Variants in HS1BP3 observed in about 807,000 individuals in gnomAD.
The protein encoded by HS1BP3 is HCLS1 binding protein 3, also known as HCLS1-binding protein 3.
Under a neutral mutation model 33.5 loss-of-function variants are expected in HS1BP3, and 32 were observed. The ratio of observed to expected loss-of-function variants is 0.95; its 90% CI spans 0.72 to 1.28. The LOEUF (loss-of-function observed/expected upper bound fraction) is 1.28, where lower values mean the gene tolerates loss of function less well. Among genes scored for constraint, HS1BP3 ranks in the 50% most tolerant of loss-of-function variants. The pLI is 0.00. For missense variants in HS1BP3, 486 were observed against 502.3 expected (o/e 0.97, Z 0.31); for synonymous variants, 187 against 209.2 (o/e 0.89, Z 0.92).
chr2:20,572,905 G>C (rs1693309551), intron 5 of HS1BP3, among the ~76,000 whole-genome samples: 1 of 152,168 alleles, frequency 6.6e-6, no homozygotes, highest in South Asian at 2.1e-4. Context: ...AGAGGGGCCT[G>C]GGCAGCCTTC....
intron 4 of HS1BP3, chr2:20,635,354 A>G (rs549930203): frequency 1.3e-5 from 2 of 152,350 alleles, no homozygotes; most frequent in South Asian, 4.1e-4. Flanking sequence ...GAGTGCAGCT[A>G]TTGATCTGGA....
At chr2:20,632,740 A>C (rs1695006737) in intron 4 of HS1BP3, among the ~76,000 whole-genome samples, 1 of 152,190 alleles carries the variant, frequency 6.6e-6, no homozygotes, top group Admixed American at 6.5e-5. Context: ...AATCCCACTA[A>C]GGATTCAGGT....
At position 20,645,319 on chromosome 2, in the gene HS1BP3, TG is replaced by T; in HGVS notation, c.198+20del. The T allele has an allele frequency of 1.9e-6, 3 of 1,608,956 alleles. No homozygotes were observed. Among genetic ancestry groups the T allele is most frequent in the Non-Finnish European group, 2.5e-6 (3 of 1,177,546 alleles). ...GACCCCGGGCACCCTCGAAACATCC[TG>T]GCCAGAGCCTCCGGCTCACCAAGAA... On this transcript the variant is annotated intron_variant, in intron 2 of 6. Transcript: ENST00000304031.
At chr2:20,567,028 A>G (rs898450737) in intron 5 of HS1BP3, among the ~76,000 whole-genome samples, 1 of 152,210 alleles carries the variant, frequency 6.6e-6, no homozygotes, top group Non-Finnish European at 1.5e-5. Flanking sequence ...TCCTGACACC[A>G]TGGAAGTCAC....
At chr2:20,566,754 A>G (rs1693139183) in intron 5 of HS1BP3, among the ~76,000 whole-genome samples, 1 of 151,768 alleles carries the variant, frequency 6.6e-6, no homozygotes, top group Admixed American at 6.6e-5. Flanking sequence ...TTACAGGCAC[A>G]CACCACCATG....
intron 4 of HS1BP3, among the ~76,000 whole-genome samples, chr2:20,626,749 G>A (rs1433300625): frequency 6.6e-6 from 1 of 152,166 alleles, no homozygotes; most frequent in Non-Finnish European, 1.5e-5. Flanking sequence ...CCTGCTTGTG[G>A]TGCTGGAGGT....
chr2:20,592,217 TG>T (rs1693832284), downstream of HS1BP3, among the ~76,000 whole-genome samples: 3 of 152,180 alleles, frequency 2.0e-5, no homozygotes, highest in Non-Finnish European at 2.9e-5. Flanking sequence ...CCCAGCTTTT[TG>T]GGAGGCTGAG....
chr2:20,610,855 A>G (rs1389698533), intron 2 of HS1BP3, among the ~76,000 whole-genome samples: 1 of 152,224 alleles, frequency 6.6e-6, no homozygotes, highest in African/African-American at 2.4e-5. Context: ...TTTTAAGTGC[A>G]CAGTTTGATG....
chr2:20,580,982 G>T (rs1693520130), intron 5 of HS1BP3, among the ~76,000 whole-genome samples: 1 of 152,252 alleles, frequency 6.6e-6, no homozygotes, highest in Admixed American at 6.5e-5. Flanking sequence ...CCAGGTTAGT[G>T]TCCCATGCAG....
chr2:20,622,805 G>A (rs1020064569), intron 6 of HS1BP3: 10 of 168,330 alleles, frequency 5.9e-5, no homozygotes, highest in South Asian at 1.5e-4. Context: ...CTTCCAGCCC[G>A]CTGGGATGTC....
intron 5 of HS1BP3, among the ~76,000 whole-genome samples, chr2:20,567,299 G>A (rs1266626450): frequency 6.6e-6 from 1 of 152,210 alleles, no homozygotes; most frequent in Admixed American, 6.5e-5. Flanking sequence ...GTAAGGTGCT[G>A]CTTCTAGAAC....
intron 2 of HS1BP3, among the ~76,000 whole-genome samples, chr2:20,600,909 A>G (rs1694057809): frequency 6.6e-6 from 1 of 152,176 alleles, no homozygotes; most frequent in Admixed American, 6.5e-5. Context: ...TGGAGTGGTC[A>G]TTCTTTCCCT....
intron 2 of HS1BP3, among the ~76,000 whole-genome samples, chr2:20,642,659 G>T (rs1695392991): frequency 6.6e-6 from 1 of 152,224 alleles, no homozygotes; most frequent in Non-Finnish European, 1.5e-5. Flanking sequence ...CAGGGCACTG[G>T]CATCGTGAGT....
At chr2:20,568,720 C>T (rs1266143051) in intron 5 of HS1BP3, among the ~76,000 whole-genome samples, 1 of 152,154 alleles carries the variant, frequency 6.6e-6, no homozygotes, top group Non-Finnish European at 1.5e-5. Context: ...ATTCCACACT[C>T]ACCGTGATAG....
chr2:20,557,167 C>A (rs1297993722), downstream of HS1BP3, among the ~76,000 whole-genome samples: 1 of 152,214 alleles, frequency 6.6e-6, no homozygotes, highest in Non-Finnish European at 1.5e-5. Context: ...GTTGTAAATT[C>A]TGATGCAAAT....
intron 2 of HS1BP3, among the ~76,000 whole-genome samples, chr2:20,642,137 G>C (rs1198150751): frequency 1.3e-5 from 2 of 152,232 alleles, no homozygotes; most frequent in Admixed American, 6.5e-5. Flanking sequence ...GACTGGGCCT[G>C]TCTCCCCCGA....
At position 20,581,096 on chromosome 2, in the gene HS1BP3, G is replaced by A. The variant is rs566363466; in HGVS notation, c.303-20581C>T. ...GGCCCCAGTGCAGGCTCTCACACCC[G>A]GCCCAGCTCCAGTCCTCAGTCTCAG... On this transcript the variant is annotated intron_variant, in intron 5 of 5. Transcript: ENST00000446825. Among the ~76,000 whole-genome samples the A allele has an allele frequency of 1.1e-3, 172 of 152,128 alleles. 1 individual carries two copies. The highest frequency in any genetic ancestry group is 1.2e-3 in the Non-Finnish European group (83 of 68,022).
intron 5 of HS1BP3, among the ~76,000 whole-genome samples, chr2:20,577,221 T>C (rs376710763): frequency 6.6e-6 from 1 of 152,026 alleles, no homozygotes; most frequent in African/African-American, 2.4e-5. Context: ...ATTGAGTTAA[T>C]ATTTCCGTAT....
At chr2:20,649,489 C>T (rs1418009403) in intron 1 of HS1BP3, among the ~76,000 whole-genome samples, 1 of 152,258 alleles carries the variant, frequency 6.6e-6, no homozygotes, top group African/African-American at 2.4e-5. Context: ...CATGTATCAT[C>T]CCTGACATGT....
Sources: allele counts gnomAD v4.1 joint callset (sites outside exome capture counted in the v4.1 genomes callset), GRCh38; gene constraint gnomAD v4.1.1; transcripts MANE v1.5; gene names NCBI Gene and HGNC (gene_info 2026-07-23, HGNC 2026-07-21).